The following PHC3 variants were observed in gnomAD, a reference collection of about 807,000 sequenced individuals.
PHC3 encodes polyhomeotic-like protein 3.
Under a neutral mutation model 107.4 loss-of-function variants are expected in PHC3, and 13 were observed. The ratio of observed to expected loss-of-function variants is 0.12; its 90% CI spans 0.08 to 0.19. The LOEUF (loss-of-function observed/expected upper bound fraction) is 0.19, where lower values mean the gene tolerates loss of function less well. Among genes scored for constraint, PHC3 ranks in the 10% least tolerant of loss-of-function variants. The pLI, the probability that PHC3 is intolerant of heterozygous loss-of-function variation, is 1.00. For missense variants in PHC3, 992 were observed against 1,210.9 expected (o/e 0.82, Z 2.68); for synonymous variants, 456 against 427.4 (o/e 1.07, Z -0.83).
intron 9 of PHC3, among the ~76,000 whole-genome samples, chr3:170,120,586 A>G (rs538258289): frequency 6.6e-5 from 10 of 152,250 alleles, no homozygotes; most frequent in African/African-American, 1.7e-4. Flanking sequence ...AAAAAAAACA[A>G]TAATATAAAA....
rs1421259222 is a variant in PHC3, at chr3:170,089,941, AAAAG to A, written c.*7285_*7288del. ...AAAAAAAAAAAAAGAAAAAAAAAAA[AAAAG>A]AAAGAAAGTTGCTCACTGTCAATAC... On this transcript the variant is annotated 3_prime_UTR_variant, in exon 15 of 15. Transcript: ENST00000495893. 21 of 151,418 alleles carry A rather than the reference AAAAG, an allele frequency of 1.4e-4. No individual in the cohort carries two copies. The highest frequency in any genetic ancestry group is 4.4e-4 in the African/African-American group (18 of 41,200). 9.4% of individuals were successfully genotyped at this position (151,418 alleles called of 1,614,324 possible).
chr3:170,117,325 G>A lies in PHC3; in HGVS notation c.2094C>T (p.Pro698=), dbSNP rs113169912. The stretch of plus-strand genomic sequence containing the variant: ...CCTGTGGAGGTTTGTTCTCTATACT[G>A]GGAATGCTACTGTGCATAGATGTAC... ...SNSTSMHSSI[P]SIENKPPQAI... Residue 698 remains proline (P), a synonymous_variant, in exon 10 of 15, where the codon CCC becomes CCT. Transcript: ENST00000495893. 4.2e-3 allele frequency: 6,852 copies of A among 1,613,864 alleles called. 26 individuals are homozygous for A. The highest frequency in any genetic ancestry group is 5.4e-3 in the Non-Finnish European group (6,383 of 1,179,852).
intron 4 of PHC3, among the ~76,000 whole-genome samples, chr3:170,164,707 T>A (rs1468932323): frequency 6.6e-6 from 1 of 152,170 alleles, no homozygotes; most frequent in Non-Finnish European, 1.5e-5. Flanking sequence ...TTGCCTCTTA[T>A]AACCCACACT....
chr3:170,113,615 G>T, intron 10 of PHC3, 96 bp from the exon 11 acceptor site: 1 of 1,172,090 alleles, frequency 8.5e-7, no homozygotes, highest in Non-Finnish European at 1.2e-6. Flanking sequence ...ACCTATTTGT[G>T]ATAATTTACT....
intron 2 of PHC3, among the ~76,000 whole-genome samples, chr3:170,175,636 AG>A (rs1475014809): frequency 1.5e-3 from 221 of 148,742 alleles, no homozygotes; most frequent in Non-Finnish European, 2.8e-3. Context: ...AAAAAAAAAA[AG>A]GGGGGGGCCA....
At chr3:170,104,948 A>T (rs975853806) in intron 12 of PHC3, among the ~76,000 whole-genome samples, 3 of 152,146 alleles carry the variant, frequency 2.0e-5, no homozygotes, top group African/African-American at 7.2e-5. Flanking sequence ...TTTTGTCCCT[A>T]AATATTTAGC....
chr3:170,111,276 AG>A (rs1466172100), intron 11 of PHC3, among the ~76,000 whole-genome samples: 1 of 115,228 alleles, frequency 8.7e-6, no homozygotes, highest in Non-Finnish European at 1.8e-5. Context: ...GAAGGAAGGA[AG>A]GAAGGAAGGA....
At chr3:170,135,453 A>T (rs201973464) in intron 7 of PHC3, among the ~76,000 whole-genome samples, 1 of 148,266 alleles carries the variant, frequency 6.7e-6, no homozygotes. Flanking sequence ...ACCCGCCCAG[A>T]TTTTTTTTTT....
chr3:170,152,541 G>A (rs1204567373), intron 4 of PHC3, among the ~76,000 whole-genome samples: 1 of 151,618 alleles, frequency 6.6e-6, no homozygotes, highest in African/African-American at 2.4e-5. Context: ...CTTAACAATA[G>A]TCACCAACAT....
rs1714745821 is a variant in PHC3, at chr3:170,097,289, T to C, written c.2929A>G (p.Ile977Val). The change falls in exon 15 of 15, where the codon ATC becomes GTC. Residue 977 changes from isoleucine to valine, a missense_variant. Around this residue, in one of 6 missense-constraint regions of PHC3, gnomAD observed 21 missense variants for 52.5 expected, o/e 0.40. Coordinates refer to ENST00000495893, the MANE Select transcript of PHC3 (RefSeq NM_024947.4). The surrounding 1 kb of genome is among the most constrained non-coding windows in gnomAD (Gnocchi z 4.1). ...ATCTTCAGGGCTGGGCCTAGCTTGA[T>C]ATTCATTGCACTCATGAGATGGTCT... is the stretch of plus-strand genomic sequence containing the variant. ...KEDHLMSAMN[I>V]KLGPALKICA... The C allele has an allele frequency of 2.5e-6, 4 of 1,613,612 alleles. No homozygotes were observed. The highest frequency in any genetic ancestry group is 3.4e-6 in the Non-Finnish European group (4 of 1,179,608).
intron 6 of PHC3, among the ~76,000 whole-genome samples, chr3:170,140,893 C>A (rs573449768): frequency 6.6e-6 from 1 of 152,160 alleles, no homozygotes; most frequent in East Asian, 1.9e-4. Flanking sequence ...CCATTATGCC[C>A]GGCTCATCTC....
intron 4 of PHC3, among the ~76,000 whole-genome samples, chr3:170,159,709 G>A (rs1464134103): frequency 1.3e-5 from 2 of 152,062 alleles, no homozygotes; most frequent in Admixed American, 1.3e-4. Context: ...ATGACATCTA[G>A]ACACATTGCC....
At chr3:170,175,546 G>A (rs1039608075) in intron 2 of PHC3, among the ~76,000 whole-genome samples, 3 of 151,844 alleles carry the variant, frequency 2.0e-5, no homozygotes, top group East Asian at 1.9e-4. Context: ...TGAAGCAGGA[G>A]GAGCACTTGA....
At position 170,171,514 on chromosome 3, in the gene PHC3, A is replaced by G. The variant is rs965999942; in HGVS notation, c.337-64T>C. 4.4e-6 allele frequency: 5 copies of G among 1,141,792 alleles called. No individual in the cohort carries two copies. The African/African-American group carries it at 4.8e-5, about 11-fold the overall frequency. The allele number at this position is 1,141,792 out of a possible 1,614,324, so 70.7% of individuals were successfully genotyped here. ...CTGAAGTTAAGAACTTTCTGGTACC[A>G]TGATAACACAAAACCACAACAATAA... On this transcript the variant is annotated intron_variant, in intron 3 of 14. Coordinates refer to ENST00000495893, the MANE Select transcript of PHC3 (RefSeq NM_024947.4).
chr3:170,119,047 A>G (rs913793175), intron 9 of PHC3, among the ~76,000 whole-genome samples: 5 of 151,296 alleles, frequency 3.3e-5, no homozygotes, highest in Non-Finnish European at 5.9e-5. Context: ...AAAAAAAAAA[A>G]AAAAAAAAGA....
At chr3:170,099,788 C>A (rs1025374116) in intron 14 of PHC3, among the ~76,000 whole-genome samples, 1 of 152,238 alleles carries the variant, frequency 6.6e-6, no homozygotes, top group South Asian at 2.1e-4. Flanking sequence ...ATAAACAAGT[C>A]CCAATACTGA....
At chr3:170,156,351 G>A (rs975911443) in intron 4 of PHC3, among the ~76,000 whole-genome samples, 3 of 152,110 alleles carry the variant, frequency 2.0e-5, no homozygotes, top group Admixed American at 6.5e-5. Context: ...CCGCCTCCTG[G>A]GTTCAAGTGC....
chr3:170,124,699 C>G (rs1294584737), intron 8 of PHC3, among the ~76,000 whole-genome samples: 1 of 152,212 alleles, frequency 6.6e-6, no homozygotes, highest in Admixed American at 6.5e-5. Context: ...TTTCAACATT[C>G]ACAAGAAACC....
intron 6 of PHC3, among the ~76,000 whole-genome samples, chr3:170,141,696 C>T (rs1307342789): frequency 2.0e-5 from 3 of 152,138 alleles, no homozygotes; most frequent in South Asian, 2.1e-4. Flanking sequence ...ACTGCAGCCT[C>T]GACCTCCTGG....
Sources: allele counts gnomAD v4.1 joint callset (sites outside exome capture counted in the v4.1 genomes callset), GRCh38; gene constraint gnomAD v4.1.1; regional missense constraint gnomAD v4.1.1; non-coding constraint Gnocchi (gnomAD v3.1); transcripts MANE v1.5; gene names NCBI Gene and HGNC (gene_info 2026-07-23, HGNC 2026-07-21).